AKAP9: variants seen among roughly 807,000 people sequenced by gnomAD.
AKAP9 encodes A-kinase anchoring protein 9, also known as A-kinase anchor protein 9.
Under a neutral mutation model 488.5 loss-of-function variants are expected in AKAP9, and 311 were observed. That is an observed-to-expected ratio of 0.64 (90% CI 0.58 to 0.70). The LOEUF is 0.70. Ranked by LOEUF, AKAP9 falls within the 30% of genes least tolerant of loss-of-function variation. The probability of loss-of-function intolerance (pLI) is 0.00; values close to 1 mark genes in which losing one functional copy is unlikely to be tolerated. For synonymous variants in AKAP9, 1,462 were observed against 1,483.5 expected (o/e 0.99, Z 0.33); for missense variants, 4,215 against 4,374.5 (o/e 0.96, Z 1.03).
chr7:92,057,045 A>G (rs1667678994), intron 22 of AKAP9, among the ~76,000 whole-genome samples: 2 of 152,040 alleles, frequency 1.3e-5, no homozygotes, highest in South Asian at 4.1e-4. Flanking sequence ...TATTCTATAT[A>G]ACTTGGGCTT....
intron 39 of AKAP9, among the ~76,000 whole-genome samples, chr7:92,093,520 G>T (rs1816012522): frequency 6.6e-6 from 1 of 152,144 alleles, no homozygotes; most frequent in African/African-American, 2.4e-5. Flanking sequence ...ATTCTCTACT[G>T]TGACTTCAGT....
chr7:92,001,738 G>C lies in AKAP9; in HGVS notation c.1821G>C (p.Lys607Asn). The change falls in exon 8 of 50, where the codon AAG becomes AAC. Residue 607 changes from lysine to asparagine, a missense_variant. Coordinates refer to ENST00000356239, the MANE Select transcript of AKAP9 (RefSeq NM_005751.5). ...KIKLEMLEKE[K>N]NAVLDRMAES... is the part of the protein sequence containing the mutation. ...AACTTGAAATGTTAGAAAAAGAAAAGAATGCTGTGTTAGACAGAATGGCTG... is the reference window on the plus strand; with the variant it reads ...AACTTGAAATGTTAGAAAAAGAAAACAATGCTGTGTTAGACAGAATGGCTG... 15 of 1,613,002 alleles carry C rather than the reference G, an allele frequency of 9.3e-6. No homozygotes were observed. Among genetic ancestry groups the C allele is most frequent in the Non-Finnish European group, 1.3e-5 (15 of 1,179,748 alleles).
At chr7:92,102,875 ATTAG>A (rs1206836793) in intron 46 of AKAP9, 49 bp downstream of exon 46, 2 of 1,482,764 alleles carry the variant, frequency 1.3e-6, no homozygotes, top group Non-Finnish European at 1.9e-6. Context: ...CTCTAAAAGG[ATTAG>A]TTATTTTTAA....
intron 46 of AKAP9, 114 bp downstream of exon 46, chr7:92,102,940 T>C: frequency 1.0e-6 from 1 of 963,798 alleles, no homozygotes; most frequent in Non-Finnish European, 1.6e-6. Flanking sequence ...TAGTAGGAGG[T>C]ATGTGCCATC....
intron 26 of AKAP9, among the ~76,000 whole-genome samples, chr7:92,069,484 T>TA (rs1370315711): frequency 3.9e-5 from 6 of 152,246 alleles, no homozygotes; most frequent in African/African-American, 1.4e-4. Context: ...TTGCTATCTT[T>TA]ATACAAAGTT....
At chr7:92,023,535 A>G (rs1802632915) in intron 14 of AKAP9, among the ~76,000 whole-genome samples, 1 of 151,806 alleles carries the variant, frequency 6.6e-6, no homozygotes, top group Admixed American at 6.6e-5. Flanking sequence ...AAGACGTCCT[A>G]TTTTCTCCAC....
chr7:92,013,283 G>A (rs1801037455), intron 9 of AKAP9, among the ~76,000 whole-genome samples: 1 of 151,958 alleles, frequency 6.6e-6, no homozygotes, highest in East Asian at 1.9e-4. Context: ...GAGCCACCGC[G>A]CCCGGCCGGG....
chr7:92,020,179 A>C (rs1393552465), intron 12 of AKAP9, among the ~76,000 whole-genome samples: 1 of 152,180 alleles, frequency 6.6e-6, no homozygotes, highest in African/African-American at 2.4e-5. Flanking sequence ...TTACTTTGGG[A>C]TCAGGATCAG....
intron 3 of AKAP9, among the ~76,000 whole-genome samples, chr7:91,988,737 C>G (rs1163276562): frequency 1.3e-5 from 2 of 152,100 alleles, no homozygotes; most frequent in Non-Finnish European, 2.9e-5. Context: ...TGTTTACATA[C>G]TTCATCACCT....
intron 17 of AKAP9, among the ~76,000 whole-genome samples, chr7:92,039,126 G>C (rs533025657): frequency 1.3e-5 from 2 of 152,056 alleles, no homozygotes; most frequent in Non-Finnish European, 2.9e-5. Context: ...GGATGGTCTC[G>C]ATCTCTTGAC....
chr7:92,085,769 A>G (rs758106280), intron 36 of AKAP9, 83 bp downstream of exon 36: 10 of 1,112,934 alleles, frequency 9.0e-6, no homozygotes, highest in Non-Finnish European at 1.3e-5. Flanking sequence ...ATTATCTTTT[A>G]TACATATTTT....
chr7:92,088,073 T>A (rs922388723), intron 37 of AKAP9, among the ~76,000 whole-genome samples: 2 of 152,082 alleles, frequency 1.3e-5, no homozygotes, highest in Non-Finnish European at 2.9e-5. Context: ...GTTAAGAAAG[T>A]ATATTTACAT....
In AKAP9 at chr7:92,038,643, A is replaced by G; in HGVS notation, c.4563A>G (p.Leu1521=). The G allele has an allele frequency of 6.2e-7, 1 of 1,612,240 alleles. No homozygotes were observed. Among genetic ancestry groups the G allele is most frequent in the Admixed American group, 1.7e-5 (1 of 59,742 alleles). The stretch of plus-strand genomic sequence containing the variant: ...AATTTAAACCACTTAGTAAAGAGTT[A>G]GGAGAACATGGAAAGGAAATTTTAT... ...KEEFKPLSKE[L]GEHGKEILLS... The change falls in exon 17 of 50, where the codon TTA becomes TTG. Residue 1521 remains leucine, a synonymous_variant. Transcript: ENST00000356239.
intron 33 of AKAP9, among the ~76,000 whole-genome samples, 200 bp downstream of exon 33, chr7:92,083,855 TC>T (rs1260600654): frequency 2.0e-5 from 3 of 152,200 alleles, no homozygotes; most frequent in Non-Finnish European, 4.4e-5. Flanking sequence ...TACTTTAAGT[TC>T]TGGGATACAC....
Position 92,097,248 on chromosome 7 carries a change from A to G in AKAP9, c.10289A>G (p.Asp3430Gly). The change falls in exon 41 of 50, where the codon GAC (aspartate) becomes GGC (glycine). Residue 3430 changes from aspartate to glycine, a missense_variant. Asp to Gly is a moderately conservative substitution (Grantham distance 94). This residue lies in a region of AKAP9 where 1,476 missense variants were observed against 1,477.4 expected (regional missense o/e 1.00). Coordinates refer to ENST00000356239, the MANE Select transcript of AKAP9 (RefSeq NM_005751.5). ...AAAAGACAACAAGTTTATAAGTTAG[A>G]CCTTGAAGGACAGCGACTACAAGGA... ...EEKRQQVYKL[D>G]LEGQRLQGIM... 2.5e-6 allele frequency: 4 copies of G among 1,613,720 alleles called. No homozygotes were observed. Among genetic ancestry groups the G allele is most frequent in the Non-Finnish European group, 3.4e-6 (4 of 1,179,966 alleles).
intron 15 of AKAP9, 98 bp downstream of exon 15, chr7:92,030,089 A>G (rs1803972095): frequency 2.4e-6 from 2 of 833,070 alleles, no homozygotes; most frequent in Non-Finnish European, 3.9e-6. Flanking sequence ...GTTGCTGAGA[A>G]GTAAGCATAA....
chr7:91,971,936 T>G (rs939111316), intron 1 of AKAP9, among the ~76,000 whole-genome samples: 2 of 151,766 alleles, frequency 1.3e-5, no homozygotes, highest in Non-Finnish European at 2.9e-5. Flanking sequence ...TTGTTTTAGC[T>G]TTTACTGGAT....
chr7:92,034,478 ATC>A (rs1804826885), intron 16 of AKAP9, among the ~76,000 whole-genome samples: 2 of 130,962 alleles, frequency 1.5e-5, no homozygotes, highest in Non-Finnish European at 3.1e-5. Flanking sequence ...TAGTGTATAT[ATC>A]TATATATATA....
Position 92,002,545 on chromosome 7 carries a change from T to A in AKAP9, c.2628T>A (p.Asp876Glu). The change falls in exon 8 of 50, where the codon GAT (aspartate) becomes GAA (glutamate). Residue 876 changes from aspartate to glutamate, a missense_variant. Asp to Glu is a conservative substitution (Grantham distance 45, BLOSUM62 2). This residue lies in a region of AKAP9 where 2,361 missense variants were observed against 2,430.0 expected (regional missense o/e 0.97). Coordinates refer to ENST00000356239, the MANE Select transcript of AKAP9 (RefSeq NM_005751.5). ...ATGCTTGCCTTCTCAAAGTAAAAGA[T>A]GATTTAGAAGACAGTAAAAATAAAC... ...EEYACLLKVK[D>E]DLEDSKNKQE... The A allele has an allele frequency of 6.2e-7, 1 of 1,610,162 alleles. No individual in the cohort carries two copies. Among genetic ancestry groups the A allele is most frequent in the Non-Finnish European group, 8.5e-7 (1 of 1,178,338 alleles).
Sources: allele counts gnomAD v4.1 joint callset (sites outside exome capture counted in the v4.1 genomes callset), GRCh38; gene constraint gnomAD v4.1.1; regional missense constraint gnomAD v4.1.1; transcripts MANE v1.5; gene names NCBI Gene and HGNC (gene_info 2026-07-23, HGNC 2026-07-21).